The following MTHFD2L variants were observed in gnomAD, a reference collection of about 807,000 sequenced individuals.
MTHFD2L encodes bifunctional methylenetetrahydrofolate dehydrogenase/cyclohydrolase 2, mitochondrial.
MTHFD2L carries 29 observed loss-of-function variants against 34.9 expected under a neutral mutation model. The observed-to-expected ratio is 0.83, with a 90% CI of 0.62 to 1.13. The LOEUF is 1.13. Among genes scored for constraint, MTHFD2L ranks in the 50% most tolerant of loss-of-function variants. The pLI is 0.00. For missense variants in MTHFD2L, 481 were observed against 446.5 expected (o/e 1.08, Z -0.70); for synonymous variants, 167 against 155.7 (o/e 1.07, Z -0.54).
At chr4:74,272,110 C>T (rs138455775) in intron 6 of MTHFD2L, among the ~76,000 whole-genome samples, 13 of 152,228 alleles carry the variant, frequency 8.5e-5, no homozygotes, top group South Asian at 6.2e-4. Context: ...GGTAAGTCTA[C>T]GTCGCTATCG....
chr4:74,159,957 G>A, intron 1 of MTHFD2L: 1 of 712,564 alleles, frequency 1.4e-6, no homozygotes, highest in South Asian at 2.4e-5. Context: ...GGTGAGGTTG[G>A]CCCCAAGGTT....
chr4:74,268,219 G>T (rs1006658900), intron 6 of MTHFD2L: 4 of 982,204 alleles, frequency 4.1e-6, no homozygotes. Flanking sequence ...TATCTAGGAT[G>T]CATTTAGCCA....
chr4:74,217,360 A>G (rs981417154), intron 5 of MTHFD2L, among the ~76,000 whole-genome samples: 5 of 151,908 alleles, frequency 3.3e-5, no homozygotes, highest in African/African-American at 1.2e-4. Flanking sequence ...TCATTGCTTA[A>G]AGATGCAATA....
intron 7 of MTHFD2L, among the ~76,000 whole-genome samples, chr4:74,294,470 G>A (rs1023333418): frequency 4.6e-5 from 7 of 152,118 alleles, no homozygotes; most frequent in Non-Finnish European, 8.8e-5. Context: ...ACCCTGTCAT[G>A]AAGGATGGAT....
chr4:74,199,845 T>C lies in MTHFD2L; in HGVS notation c.503T>C (p.Val168Ala). Residue 168 changes from valine to alanine, a missense_variant, in exon 4 of 8, where the codon GTA becomes GCA. Physicochemically the swap from Val to Ala is moderately conservative, Grantham distance 64. Coordinates refer to ENST00000325278, the MANE Select transcript of MTHFD2L (RefSeq NM_001144978.3). Reference sequence around the variant, plus strand: ...AATGGAATTGCCCCAGAAAAAGATGTAGATGGATTTCATATTATCAATATT... The same window carrying C: ...AATGGAATTGCCCCAGAAAAAGATGCAGATGGATTTCATATTATCAATATT... ...ICNGIAPEKDVDGFHIINIGR... is the reference protein window; with the variant it reads ...ICNGIAPEKDADGFHIINIGR... 6.2e-7 allele frequency: 1 copy of C among 1,613,804 alleles called. No individual in the cohort carries two copies.
At chr4:74,115,719 G>T (rs1339310024) in intron 2 of MTHFD2L, among the ~76,000 whole-genome samples, 1 of 152,190 alleles carries the variant, frequency 6.6e-6, no homozygotes, top group Admixed American at 6.5e-5. Flanking sequence ...TGGTTTGAAA[G>T]AAATACTCGT....
chr4:74,187,051 T>C (rs970626261), intron 3 of MTHFD2L, among the ~76,000 whole-genome samples: 2 of 152,094 alleles, frequency 1.3e-5, no homozygotes, highest in African/African-American at 4.8e-5. Flanking sequence ...GGCAAATAAG[T>C]ACAGAAAAGA....
At chr4:74,203,382 A>T (rs1404196100) in intron 5 of MTHFD2L, among the ~76,000 whole-genome samples, 1 of 152,068 alleles carries the variant, frequency 6.6e-6, no homozygotes, top group Non-Finnish European at 1.5e-5. Flanking sequence ...CCTTTATGTA[A>T]TAATTTCTGT....
chr4:74,282,528 G>C (rs998789682), intron 7 of MTHFD2L, among the ~76,000 whole-genome samples: 1 of 151,980 alleles, frequency 6.6e-6, no homozygotes, highest in African/African-American at 2.4e-5. Context: ...GCATATTGTT[G>C]AATAAAATAG....
upstream of MTHFD2L, chr4:74,123,377 C>T (rs919023065): frequency 6.6e-6 from 1 of 152,202 alleles, no homozygotes; most frequent in African/African-American, 2.4e-5. Flanking sequence ...GGCTGTTGCT[C>T]TACTGCTTTC....
chr4:74,135,003 G>T (rs1578235789), intron 1 of MTHFD2L, among the ~76,000 whole-genome samples: 1 of 152,066 alleles, frequency 6.6e-6, no homozygotes, highest in South Asian at 2.1e-4. Flanking sequence ...AAAAATTATT[G>T]ATGTTCAAGA....
intron 3 of MTHFD2L, among the ~76,000 whole-genome samples, chr4:74,182,286 A>C (rs1268318828): frequency 6.6e-6 from 1 of 152,158 alleles, no homozygotes; most frequent in Non-Finnish European, 1.5e-5. Flanking sequence ...GTAGTTTTTC[A>C]GCACCACTTT....
intron 7 of MTHFD2L, among the ~76,000 whole-genome samples, chr4:74,287,713 C>G (rs553896923): frequency 3.9e-5 from 6 of 152,292 alleles, no homozygotes; most frequent in Admixed American, 2.0e-4. Context: ...TGCCACTGCA[C>G]TCTAGCCTAG....
chr4:74,149,300 C>G (rs1723787587), intron 1 of MTHFD2L, among the ~76,000 whole-genome samples: 2 of 151,632 alleles, frequency 1.3e-5, no homozygotes, highest in African/African-American at 4.8e-5. Context: ...TTTGAAATAC[C>G]TACAGTGTTT....
chr4:74,117,828 A>T (rs1721681064), intron 2 of MTHFD2L, among the ~76,000 whole-genome samples: 2 of 152,112 alleles, frequency 1.3e-5, no homozygotes, highest in Admixed American at 1.3e-4. Context: ...TCTATGCTCA[A>T]CCCTAATTCT....
At chr4:74,233,372 A>G (rs1248672005) in intron 6 of MTHFD2L, among the ~76,000 whole-genome samples, 1 of 152,186 alleles carries the variant, frequency 6.6e-6, no homozygotes, top group Non-Finnish European at 1.5e-5. Flanking sequence ...ATTCAATTTT[A>G]ACTTTAAAAA....
intron 6 of MTHFD2L, among the ~76,000 whole-genome samples, chr4:74,270,583 G>T (rs144757763): frequency 2.0e-5 from 3 of 152,120 alleles, no homozygotes; most frequent in Non-Finnish European, 4.4e-5. Flanking sequence ...ATGGACATTT[G>T]GGTTGGTTCC....
At chr4:74,229,223 C>T (rs1194870624) in intron 6 of MTHFD2L, among the ~76,000 whole-genome samples, 6 of 152,068 alleles carry the variant, frequency 3.9e-5, no homozygotes, top group Non-Finnish European at 5.9e-5. Context: ...AGGGATAAAA[C>T]ATGTAGGCAT....
At chr4:74,165,016 A>G in intron 1 of MTHFD2L, 1 of 984,986 alleles carries the variant, frequency 1.0e-6, no homozygotes, top group Non-Finnish European at 1.2e-6. Context: ...TTTATTTTTG[A>G]TATGCATTAA....
Sources: gnomAD v4.1 joint callset for allele counts (sites outside exome capture counted in the v4.1 genomes callset) on GRCh38, gnomAD v4.1.1 for gene constraint, MANE v1.5 for transcripts, NCBI Gene and HGNC (gene_info 2026-07-23, HGNC 2026-07-21) for gene names.